Variants in PIGK observed in about 807,000 individuals in gnomAD.
PIGK encodes GPI-anchor transamidase.
In PIGK, 42 loss-of-function variants were observed where a neutral mutation model predicts 50.6. The ratio of observed to expected loss-of-function variants is 0.83; its 90% CI spans 0.65 to 1.07. The LOEUF is 1.07. Among genes scored for constraint, PIGK ranks in the 50% least tolerant of loss-of-function variants. PIGK has a pLI of 0.00. For missense variants in PIGK, 448 were observed against 488.7 expected (o/e 0.92, Z 0.78); for synonymous variants, 151 against 156.0 (o/e 0.97, Z 0.24).
At chr1:77,212,458 T>C (rs1656441439) in intron 1 of PIGK, among the ~76,000 whole-genome samples, 1 of 151,998 alleles carries the variant, frequency 6.6e-6, no homozygotes, top group African/African-American at 2.4e-5. Flanking sequence ...AACAAGAAAA[T>C]TTCAGGGAGA....
chr1:77,170,200 C>T (rs1342206738), intron 3 of PIGK, among the ~76,000 whole-genome samples: 1 of 152,160 alleles, frequency 6.6e-6, no homozygotes, highest in Non-Finnish European at 1.5e-5. Flanking sequence ...TTTTTGTTCA[C>T]CTGCAGTTCC....
Position 77,107,942 on chromosome 1 carries a change from G to C in PIGK, c.1071+14333C>G, listed in dbSNP as rs560754709. 7.9e-5 allele frequency among the ~76,000 whole-genome samples: 12 copies of C among 152,058 alleles called. No homozygotes were observed. In the South Asian group the frequency reaches 1.9e-3, roughly 24 times the overall value. ...CCTTTTTTTGTTTTCCATTTGCTTG[G>C]TAGATCTTCCTCCATCCCTTTATTT... On this transcript the variant is annotated intron_variant, in intron 10 of 10. Transcript: ENST00000370812.
At chr1:77,175,937 T>C (rs1215697567) in intron 3 of PIGK, among the ~76,000 whole-genome samples, 1 of 152,150 alleles carries the variant, frequency 6.6e-6, no homozygotes, top group Non-Finnish European at 1.5e-5. Flanking sequence ...TTGACATTAA[T>C]AGTAGACTTA....
intron 10 of PIGK, among the ~76,000 whole-genome samples, chr1:77,121,985 T>C (rs112819695): frequency 3.3e-5 from 5 of 152,300 alleles, no homozygotes; most frequent in African/African-American, 1.2e-4. Context: ...TGGGTCAAAA[T>C]GAAAGTTTTC....
At chr1:77,195,279 C>T in intron 3 of PIGK, 1 of 1,339,196 alleles carries the variant, frequency 7.5e-7, no homozygotes, top group Non-Finnish European at 1.1e-6. Context: ...TGGCTGAGGT[C>T]CTGGAAGGCA....
At chr1:77,165,274 A>G (rs191673018) in intron 5 of PIGK, among the ~76,000 whole-genome samples, 1 of 152,220 alleles carries the variant, frequency 6.6e-6, no homozygotes, top group East Asian at 1.9e-4. Flanking sequence ...GCTACAAAAA[A>G]CTGCACTTCA....
At chr1:77,200,092 G>A (rs1313831552) in intron 3 of PIGK, among the ~76,000 whole-genome samples, 1 of 152,138 alleles carries the variant, frequency 6.6e-6, no homozygotes, top group Non-Finnish European at 1.5e-5. Context: ...AAAGGCAACA[G>A]AGTTACTGCA....
intron 3 of PIGK, among the ~76,000 whole-genome samples, chr1:77,180,408 A>G (rs1655584048): frequency 1.3e-5 from 2 of 152,186 alleles, no homozygotes; most frequent in African/African-American, 2.4e-5. Context: ...GGGCACATAC[A>G]TATACATCTA....
chr1:77,206,577 T>C, intron 3 of PIGK, 63 bp downstream of exon 3: 2 of 881,194 alleles, frequency 2.3e-6, no homozygotes, highest in Admixed American at 2.3e-5. Flanking sequence ...ACAAATATAA[T>C]AACAATTATC....
chr1:77,179,481 A>C (rs907027545), intron 3 of PIGK, among the ~76,000 whole-genome samples: 4 of 152,244 alleles, frequency 2.6e-5, no homozygotes, highest in African/African-American at 4.8e-5. Context: ...CCCAGGAGCC[A>C]TACTTCACTC....
intron 10 of PIGK, among the ~76,000 whole-genome samples, chr1:77,120,064 A>G (rs1452539779): frequency 6.6e-6 from 1 of 152,194 alleles, no homozygotes; most frequent in Non-Finnish European, 1.5e-5. Flanking sequence ...AGGTGTAGGT[A>G]AAGTATAAGA....
chr1:77,106,758 T>C (rs1653691371), intron 10 of PIGK, among the ~76,000 whole-genome samples: 1 of 152,104 alleles, frequency 6.6e-6, no homozygotes, highest in African/African-American at 2.4e-5. Context: ...TACAGCTATT[T>C]AGCACGAGGA....
chr1:77,093,386 AATG>A (rs1298888146), intron 10 of PIGK, among the ~76,000 whole-genome samples: 1 of 152,118 alleles, frequency 6.6e-6, no homozygotes, highest in Non-Finnish European at 1.5e-5. Context: ...AGTTTGTGAC[AATG>A]ATTTCTTTTC....
chr1:77,161,786 G>T lies in PIGK; in HGVS notation c.585-75C>A, dbSNP rs540376117. The T allele has an allele frequency of 1.5e-5, 11 of 736,756 alleles. No individual in the cohort carries two copies. The South Asian group carries it at 1.7e-4, about 11-fold the overall frequency. The allele number at this position is 736,756 out of a possible 1,614,324, so 45.6% of individuals were successfully genotyped here. A position where few individuals can be genotyped will look rare whatever the true frequency, so the allele number is the denominator to read the frequency against. On this transcript the variant is annotated intron_variant, in intron 6 of 10. Transcript: ENST00000370812. The stretch of plus-strand genomic sequence containing the variant: ...ACACTAATATTTCTACAATACTTTT[G>T]TAAGATGTTTAAATCATATCTTAGT...
intron 9 of PIGK, among the ~76,000 whole-genome samples, chr1:77,149,429 C>G (rs1044565904): frequency 6.6e-6 from 1 of 151,436 alleles, no homozygotes; most frequent in African/African-American, 2.4e-5. Flanking sequence ...AAATGAAAAC[C>G]AAAAAAGAGC....
intron 9 of PIGK, among the ~76,000 whole-genome samples, chr1:77,144,953 C>A (rs544647796): frequency 3.1e-4 from 47 of 151,900 alleles, no homozygotes; most frequent in Non-Finnish European, 5.3e-4. Context: ...TGGAATTATA[C>A]TGATGAGTAA....
chr1:77,099,025 C>T (rs924286011), intron 10 of PIGK, among the ~76,000 whole-genome samples: 1 of 152,008 alleles, frequency 6.6e-6, no homozygotes, highest in Non-Finnish European at 1.5e-5. Context: ...ATTTGTAACA[C>T]TTCTAGGATC....
intron 9 of PIGK, chr1:77,128,990 A>G: frequency 1.6e-6 from 1 of 635,206 alleles, no homozygotes; most frequent in Non-Finnish European, 2.9e-6. Context: ...TTTGAATTTC[A>G]GTGTTGCACT....
chr1:77,171,390 T>C (rs1383671978), intron 3 of PIGK, among the ~76,000 whole-genome samples: 1 of 118,568 alleles, frequency 8.4e-6, no homozygotes, highest in Non-Finnish European at 1.6e-5. Flanking sequence ...TGAGCCGACA[T>C]CGCGTCACTG....
Sources: allele counts gnomAD v4.1 joint callset (sites outside exome capture counted in the v4.1 genomes callset), GRCh38; gene constraint gnomAD v4.1.1; transcripts MANE v1.5; gene names NCBI Gene and HGNC (gene_info 2026-07-23, HGNC 2026-07-21).